Variants in USP45 observed in about 807,000 individuals in gnomAD.
The protein encoded by USP45 is ubiquitin specific peptidase 45, also known as ubiquitin carboxyl-terminal hydrolase 45.
Under a neutral mutation model 95.8 loss-of-function variants are expected in USP45, and 89 were observed. The observed-to-expected ratio is 0.93, with a 90% CI of 0.78 to 1.11. The LOEUF (loss-of-function observed/expected upper bound fraction) is 1.11. USP45 is among the 50% of genes least tolerant of loss of function. The pLI is 0.00. For synonymous variants in USP45, 281 were observed against 316.2 expected (o/e 0.89, Z 1.18); for missense variants, 898 against 942.5 (o/e 0.95, Z 0.62).
intron 5 of USP45, among the ~76,000 whole-genome samples, chr6:99,501,136 A>G (rs558541217): frequency 7.3e-5 from 11 of 151,580 alleles, no homozygotes; most frequent in African/African-American, 2.7e-4. Context: ...TCCCTCCCTC[A>G]CTACATGTAA....
intron 13 of USP45, among the ~76,000 whole-genome samples, chr6:99,449,741 C>T (rs1233318192): frequency 6.6e-6 from 1 of 152,148 alleles, no homozygotes; most frequent in African/African-American, 2.4e-5. Context: ...TTCTTCTCAG[C>T]ACATCACACT....
intron 8 of USP45, 143 bp from the exon 9 acceptor site, chr6:99,476,373 C>A: frequency 1.3e-6 from 1 of 746,406 alleles, no homozygotes; most frequent in Middle Eastern, 4.1e-4. Flanking sequence ...TTTGGGAGGC[C>A]AAGGGGCAGA....
intron 5 of USP45, chr6:99,501,965 C>T (rs900866216): frequency 3.8e-6 from 5 of 1,303,208 alleles, no homozygotes; most frequent in South Asian, 1.2e-5. Context: ...CTGTGGGCCC[C>T]TAGACAGTTT....
chr6:99,467,455 C>G (rs750492159), intron 10 of USP45, among the ~76,000 whole-genome samples: 1 of 151,928 alleles, frequency 6.6e-6, no homozygotes, highest in Non-Finnish European at 1.5e-5. Context: ...CCTATTCACC[C>G]CTCTTTCAAA....
chr6:99,513,377 A>T (rs1364969122), intron 1 of USP45, among the ~76,000 whole-genome samples: 1 of 152,086 alleles, frequency 6.6e-6, no homozygotes, highest in Non-Finnish European at 1.5e-5. Context: ...CTTACCAAAA[A>T]CTGATCTAGT....
rs548161593 is a variant in USP45, at chr6:99,466,898, A to C, written c.1016-135T>G. The stretch of plus-strand genomic sequence containing the variant: ...TACATTTAATAATACATTTTACTAT[A>C]CATACAACATTCTAAAGTCTTTCTC... On this transcript the variant is annotated intron_variant, in intron 10 of 17. Transcript: ENST00000500704. 337 of 620,796 alleles carry C rather than the reference A, an allele frequency of 5.4e-4. 2 individuals are homozygous for C. Among genetic ancestry groups the C allele is most frequent in the Middle Eastern group, 1.2e-3 (3 of 2,558 alleles). The allele number at this position is 620,796 out of a possible 1,614,324, so 38.5% of individuals were successfully genotyped here. A position where few individuals can be genotyped will look rare whatever the true frequency, so the allele number is the denominator to read the frequency against.
At chr6:99,483,695 A>G (rs9376210) in intron 7 of USP45, among the ~76,000 whole-genome samples, 114,072 of 137,064 alleles carry the variant, frequency 0.83, 47,925 homozygotes, top group East Asian at 1. Flanking sequence ...AAAATTAGCC[A>G]GGCGCGGTGG....
chr6:99,499,296 C>G (rs1796922993), intron 5 of USP45, among the ~76,000 whole-genome samples: 1 of 152,146 alleles, frequency 6.6e-6, no homozygotes, highest in African/African-American at 2.4e-5. Flanking sequence ...CACAATAATA[C>G]AGTTTCATAT....
chr6:99,484,856 A>T (rs1793472338), intron 7 of USP45, among the ~76,000 whole-genome samples: 1 of 151,034 alleles, frequency 6.6e-6, no homozygotes, highest in Non-Finnish European at 1.5e-5. Context: ...AATAAAGTCT[A>T]TTTTTTTTTA....
chr6:99,489,039 A>G (rs1435530085), intron 5 of USP45, among the ~76,000 whole-genome samples: 1 of 152,222 alleles, frequency 6.6e-6, no homozygotes, highest in African/African-American at 2.4e-5. Flanking sequence ...ACCTCACACT[A>G]TATTACAGAA....
chr6:99,460,566 A>G (rs1443780436), intron 13 of USP45, among the ~76,000 whole-genome samples: 1 of 152,220 alleles, frequency 6.6e-6, no homozygotes, highest in East Asian at 1.9e-4. Context: ...TGAGCAATTT[A>G]GCACCTAGGA....
intron 9 of USP45, among the ~76,000 whole-genome samples, chr6:99,473,586 T>C (rs187886574): frequency 6.6e-6 from 1 of 151,290 alleles, no homozygotes; most frequent in Non-Finnish European, 1.5e-5. Flanking sequence ...TGAAACCCCA[T>C]TTCTACTAAA....
intron 5 of USP45, among the ~76,000 whole-genome samples, chr6:99,489,678 G>A (rs1365479862): frequency 6.6e-6 from 1 of 152,182 alleles, no homozygotes; most frequent in Non-Finnish European, 1.5e-5. Flanking sequence ...TGGCCACGGT[G>A]CCTCAGGCCT....
At chr6:99,454,983 G>A (rs9494500) in intron 13 of USP45, among the ~76,000 whole-genome samples, 79,114 of 151,450 alleles carry the variant, frequency 0.52, 21,251 homozygotes, top group East Asian at 0.9. Context: ...CCAGCTACTC[G>A]GGAGGCTGAG....
At chr6:99,496,432 T>C (rs1332119301) in intron 5 of USP45, among the ~76,000 whole-genome samples, 1 of 152,074 alleles carries the variant, frequency 6.6e-6, no homozygotes, top group African/African-American at 2.4e-5. Flanking sequence ...AGCAAACTCA[T>C]ACTTCATAAA....
intron 8 of USP45, among the ~76,000 whole-genome samples, chr6:99,477,329 A>G (rs1791111972): frequency 6.6e-6 from 1 of 152,064 alleles, no homozygotes; most frequent in Admixed American, 6.6e-5. Flanking sequence ...TGTGAGATGG[A>G]GTTTCACTCT....
Position 99,482,766 on chromosome 6 carries a change from G to T in USP45, c.832C>A (p.Gln278Lys). The T allele has an allele frequency of 6.2e-7, 1 of 1,600,204 alleles. No individual in the cohort carries two copies. The highest frequency in any genetic ancestry group is 1.1e-5 in the South Asian group (1 of 87,358). ...GPLSPKVLFN[Q>K]LCQKAPRFKD... ...AGATGCACCCACTTCTGACAAAGCT[G>T]ATTAAAAAGAACTTTAGGAGAAAGT... is the stretch of plus-strand genomic sequence containing the variant. Residue 278 changes from glutamine to lysine, a missense_variant, in exon 8 of 18, where the codon CAG becomes AAG. By Grantham distance (53) the Gln-to-Lys change is moderately conservative. Transcript: ENST00000500704.
rs1583061745 is a variant in USP45 at position 99,454,871 on chromosome 6, G to A, written c.1309-8408C>T. On this transcript the variant is annotated intron_variant, in intron 13 of 17. Transcript: ENST00000500704. The stretch of plus-strand genomic sequence containing the variant: ...TGGGAGGCCAAGGCAGGTGGATCAC[G>A]AGGTCAAGAGTTCAAGACCATCCTG... Among the ~76,000 whole-genome samples, 3 of 151,526 alleles carry A rather than the reference G, an allele frequency of 2.0e-5. No homozygotes were observed. In the South Asian group the frequency reaches 6.3e-4, roughly 32 times the overall value.
chr6:99,470,968 A>T (rs1427088830), intron 9 of USP45, among the ~76,000 whole-genome samples: 2 of 152,156 alleles, frequency 1.3e-5, no homozygotes, highest in African/African-American at 4.8e-5. Context: ...ATTTAATGAA[A>T]CTTTGCTATA....
Sources: allele counts gnomAD v4.1 joint callset (sites outside exome capture counted in the v4.1 genomes callset), GRCh38; gene constraint gnomAD v4.1.1; transcripts MANE v1.5; gene names NCBI Gene and HGNC (gene_info 2026-07-23, HGNC 2026-07-21).